Variants in DRC9 observed in about 807,000 individuals in gnomAD.
DRC9 encodes dynein regulatory complex subunit 9, also known as dynein regulatory complex protein 9.
At chr3:197,923,174 A>G in the DRC9 span, among the ~76,000 whole-genome samples, 9 of 152,310 alleles carry the variant, frequency 5.9e-5, no homozygotes, top group South Asian at 6.2e-4. Flanking sequence ...GCTGCAGTGC[A>G]GTGGGGAGAC....
At chr3:197,904,110 A>ATATAT in the DRC9 span, among the ~76,000 whole-genome samples, 3 of 80,782 alleles carry the variant, frequency 3.7e-5, no homozygotes, top group Non-Finnish European at 4.6e-5. Flanking sequence ...ATATATATAT[A>ATATAT]TTTTTTTTTT....
At chr3:197,930,181 C>T in the DRC9 span, among the ~76,000 whole-genome samples, 2 of 149,722 alleles carry the variant, frequency 1.3e-5, no homozygotes, top group Admixed American at 1.3e-4. Flanking sequence ...ATGGCAAAAC[C>T]CCATCTCTAC....
the DRC9 span, among the ~76,000 whole-genome samples, chr3:197,955,358 G>A: frequency 6.6e-6 from 1 of 151,548 alleles, no homozygotes; most frequent in Non-Finnish European, 1.5e-5. Context: ...AAGCTCCCAG[G>A]TTCAAGCGAT....
the DRC9 span, among the ~76,000 whole-genome samples, chr3:197,910,982 CAAAAAAAA>C: frequency 3.3e-5 from 2 of 61,516 alleles, no homozygotes; most frequent in East Asian, 5.0e-4. Flanking sequence ...AAAAACAAAA[CAAAAAAAA>C]AAAAAAAAAG....
At chr3:197,914,009 G>T in the DRC9 span, 15 of 1,613,894 alleles carry the variant, frequency 9.3e-6, no homozygotes, top group Admixed American at 1.7e-4. Flanking sequence ...TCTTGCAGTT[G>T]GTCCTTGAGG....
chr3:197,921,071 T>C, the DRC9 span, among the ~76,000 whole-genome samples: 1 of 147,238 alleles, frequency 6.8e-6, no homozygotes, highest in African/African-American at 2.6e-5. Context: ...TCGACCCGAC[T>C]ACTGGTTTTC....
the DRC9 span, chr3:197,956,524 G>A: frequency 6.6e-6 from 1 of 151,992 alleles, no homozygotes; most frequent in African/African-American, 2.4e-5. Flanking sequence ...TTTTAATCTG[G>A]TAAAGTTCAA....
chr3:197,912,586 G>A, the DRC9 span: 2 of 911,900 alleles, frequency 2.2e-6, no homozygotes, highest in Non-Finnish European at 3.5e-6. Flanking sequence ...AATGATGGTT[G>A]GTTTTCCTTC....
At chr3:197,898,638 G>A in the DRC9 span, among the ~76,000 whole-genome samples, 1 of 152,188 alleles carries the variant, frequency 6.6e-6, no homozygotes, top group African/African-American at 2.4e-5. Context: ...GAGGCCTCAG[G>A]AAACTTACAA....
chr3:197,955,980 A>G, the DRC9 span: 1 of 566,336 alleles, frequency 1.8e-6, no homozygotes, highest in Non-Finnish European at 3.2e-6. Context: ...TTTTAATGCG[A>G]GTATCTTTGA....
At chr3:197,950,143 A>C in the DRC9 span, 1 of 1,231,774 alleles carries the variant, frequency 8.1e-7, no homozygotes, top group East Asian at 3.2e-5. Context: ...TTGAGGGCGG[A>C]GTCGAAAGAT....
At chr3:197,938,457 C>A in the DRC9 span, 1 of 862,722 alleles carries the variant, frequency 1.2e-6, no homozygotes, top group South Asian at 1.4e-5. Flanking sequence ...AATGACTAAC[C>A]TGTAGACGAT....
the DRC9 span, among the ~76,000 whole-genome samples, chr3:197,933,818 C>CT: frequency 6.7e-6 from 1 of 149,924 alleles, no homozygotes; most frequent in African/African-American, 2.5e-5. Flanking sequence ...ATTTTTATTT[C>CT]ATTTTTTTTT....
the DRC9 span, among the ~76,000 whole-genome samples, chr3:197,901,241 C>T: frequency 4.1e-4 from 62 of 152,092 alleles, no homozygotes; most frequent in Non-Finnish European, 8.4e-4. This position sits in a 1 kb window ranked among gnomAD's most constrained non-coding sequence, Gnocchi z 4.4. Flanking sequence ...GGGGTTCAAG[C>T]GAGTCTCCTG....
the DRC9 span, chr3:197,949,832 A>G: frequency 5.2e-6 from 2 of 384,188 alleles, no homozygotes; most frequent in Non-Finnish European, 9.2e-6. Flanking sequence ...TGGCAAATCA[A>G]TCTTACAGTC....
chr3:197,932,011 C>T, the DRC9 span, among the ~76,000 whole-genome samples: 1 of 152,164 alleles, frequency 6.6e-6, no homozygotes, highest in Admixed American at 6.6e-5. Flanking sequence ...AGAAATCTGA[C>T]TTATTGTCCC....
chr3:197,897,937 A>T, the DRC9 span, among the ~76,000 whole-genome samples: 2 of 133,076 alleles, frequency 1.5e-5, no homozygotes, highest in Non-Finnish European at 3.2e-5. Context: ...CGCCCAGCTA[A>T]TTTTTTTTTT....
At chr3:197,937,329 T>C in the DRC9 span, among the ~76,000 whole-genome samples, 8 of 152,318 alleles carry the variant, frequency 5.3e-5, no homozygotes, top group South Asian at 6.2e-4. Flanking sequence ...AATTTGGCTA[T>C]GTAGAATAAT....
At chr3:197,924,970 C>T in the DRC9 span, among the ~76,000 whole-genome samples, 12 of 152,108 alleles carry the variant, frequency 7.9e-5, no homozygotes, top group African/African-American at 1.2e-4. Context: ...AAACTAGATA[C>T]GAGGTTAGGT....
Sources: gnomAD v4.1 joint callset for allele counts (sites outside exome capture counted in the v4.1 genomes callset) on GRCh38, gnomAD v4.1.1 for gene constraint, Gnocchi (gnomAD v3.1) non-coding constraint, MANE v1.5 for transcripts, NCBI Gene and HGNC (gene_info 2026-07-23, HGNC 2026-07-21) for gene names.